The following REDIC1 variants were observed in gnomAD, a reference collection of about 807,000 sequenced individuals.
REDIC1 encodes HEI10 Interacting Protein 1.
chr12:39,760,766 T>C, the REDIC1 span, among the ~76,000 whole-genome samples: 1 of 152,010 alleles, frequency 6.6e-6, no homozygotes, highest in Admixed American at 6.6e-5. Flanking sequence ...TGCATGTCAA[T>C]GCAGAACAGC....
the REDIC1 span, among the ~76,000 whole-genome samples, chr12:39,794,137 A>G: frequency 3.0e-4 from 46 of 151,314 alleles, 2 homozygotes; most frequent in African/African-American, 1.1e-3. Context: ...AAAAAAAAAA[A>G]AAAAAAAAAA....
the REDIC1 span, among the ~76,000 whole-genome samples, chr12:39,770,448 A>G: frequency 6.6e-6 from 1 of 152,186 alleles, no homozygotes; most frequent in Non-Finnish European, 1.5e-5. Context: ...AAAAGCTTAT[A>G]TAATGAGCAC....
the REDIC1 span, among the ~76,000 whole-genome samples, chr12:39,748,016 C>T: frequency 2.4e-3 from 363 of 152,296 alleles, 2 homozygotes; most frequent in Middle Eastern, 0.02. Context: ...GAAACTGCAT[C>T]AACTAACGAG....
chr12:39,827,818 T>C, the REDIC1 span, among the ~76,000 whole-genome samples: 3 of 152,278 alleles, frequency 2.0e-5, no homozygotes, highest in South Asian at 6.2e-4. Flanking sequence ...TATTGACAAT[T>C]CAGAGTTCAT....
At chr12:39,753,821 C>T in the REDIC1 span, among the ~76,000 whole-genome samples, 36 of 152,216 alleles carry the variant, frequency 2.4e-4, no homozygotes, top group East Asian at 3.9e-3. Flanking sequence ...GTGAGGTAGA[C>T]GGTAGTAGCA....
At chr12:39,691,992 A>G in the REDIC1 span, 2 of 1,412,296 alleles carry the variant, frequency 1.4e-6, no homozygotes, top group Non-Finnish European at 1.9e-6. Context: ...TAAGGTAGAT[A>G]TAAGTGAATA....
the REDIC1 span, among the ~76,000 whole-genome samples, chr12:39,649,225 A>G: frequency 2.0e-5 from 3 of 151,920 alleles, no homozygotes; most frequent in Admixed American, 1.3e-4. Context: ...CTTTTCAATC[A>G]TAGTGTCACA....
At chr12:39,646,407 C>T in the REDIC1 span, 1 of 1,487,420 alleles carries the variant, frequency 6.7e-7, no homozygotes, top group Non-Finnish European at 9.0e-7. Context: ...TTAGAACTTA[C>T]AATGTCGCCT....
chr12:39,670,723 G>A, the REDIC1 span, among the ~76,000 whole-genome samples: 3 of 147,144 alleles, frequency 2.0e-5, no homozygotes, highest in Non-Finnish European at 4.5e-5. Flanking sequence ...CATATGTCAC[G>A]TCTTTCTACA....
At chr12:39,708,936 ATG>A in the REDIC1 span, among the ~76,000 whole-genome samples, 2 of 151,876 alleles carry the variant, frequency 1.3e-5, no homozygotes, top group Non-Finnish European at 2.9e-5. Flanking sequence ...TGTTAACTGT[ATG>A]TGTTAGTTTA....
At chr12:39,759,842 T>C in the REDIC1 span, 2 of 561,118 alleles carry the variant, frequency 3.6e-6, no homozygotes, top group African/African-American at 3.8e-5. Flanking sequence ...TAAAATATTG[T>C]TCCTTGTGGA....
the REDIC1 span, chr12:39,736,897 A>G: frequency 6.6e-6 from 1 of 152,212 alleles, no homozygotes; most frequent in South Asian, 2.1e-4. Flanking sequence ...GCCCCAGCCC[A>G]TGGTGAGTAG....
the REDIC1 span, chr12:39,643,851 G>T: frequency 1.3e-6 from 2 of 1,573,814 alleles, no homozygotes; most frequent in Non-Finnish European, 1.7e-6. Flanking sequence ...CAAAAATTCT[G>T]CTGTCAGCTT....
the REDIC1 span, among the ~76,000 whole-genome samples, chr12:39,851,000 A>G: frequency 6.6e-5 from 10 of 151,944 alleles, no homozygotes; most frequent in Non-Finnish European, 1.3e-4. Context: ...CCTGGGTTCA[A>G]GCAATTCTCT....
the REDIC1 span, among the ~76,000 whole-genome samples, chr12:39,810,926 T>C: frequency 6.6e-6 from 1 of 152,154 alleles, no homozygotes; most frequent in South Asian, 2.1e-4. Flanking sequence ...GTAATGAAGA[T>C]AAAACCAACC....
At chr12:39,662,539 C>G in the REDIC1 span, among the ~76,000 whole-genome samples, 5 of 150,820 alleles carry the variant, frequency 3.3e-5, no homozygotes, top group Non-Finnish European at 7.4e-5. Context: ...TTGGTGGAGT[C>G]TAGGTTTTTC....
the REDIC1 span, chr12:39,755,095 A>G: frequency 6.6e-6 from 1 of 152,048 alleles, no homozygotes; most frequent in Non-Finnish European, 1.5e-5. Context: ...ACTTTTTTTA[A>G]AAAAAGATTT....
the REDIC1 span, among the ~76,000 whole-genome samples, chr12:39,907,153 G>A: frequency 6.6e-6 from 1 of 151,886 alleles, no homozygotes; most frequent in East Asian, 1.9e-4. Flanking sequence ...AATTTTCTTT[G>A]TATTTCAAAA....
chr12:39,711,471 ATATG>A, the REDIC1 span, among the ~76,000 whole-genome samples: 2 of 144,484 alleles, frequency 1.4e-5, no homozygotes, highest in African/African-American at 2.5e-5. Context: ...ACACATACAT[ATATG>A]TATGTGTATA....
Sources: gnomAD v4.1 joint callset for allele counts (sites outside exome capture counted in the v4.1 genomes callset) on GRCh38, gnomAD v4.1.1 for gene constraint, MANE v1.5 for transcripts, NCBI Gene and HGNC (gene_info 2026-07-23, HGNC 2026-07-21) for gene names.